Variants in TENM3 observed in about 807,000 individuals in gnomAD.
TENM3 encodes teneurin-3.
TENM3 carries 63 observed loss-of-function variants against 255.1 expected under a neutral mutation model. The observed-to-expected ratio is 0.25, with a 90% CI of 0.20 to 0.30. The LOEUF (loss-of-function observed/expected upper bound fraction) is 0.30. Among genes scored for constraint, TENM3 ranks in the 10% least tolerant of loss-of-function variants. The probability of loss-of-function intolerance (pLI) is 1.00; values close to 1 mark genes in which losing one functional copy is unlikely to be tolerated. For missense variants in TENM3, 2,929 were observed against 3,461.1 expected (o/e 0.85, Z 3.86); for synonymous variants, 1,306 against 1,322.3 (o/e 0.99, Z 0.27).
chr4:181,674,495 A>G, the TENM3 span, among the ~76,000 whole-genome samples: 19,524 of 151,980 alleles, frequency 0.13, 1,792 homozygotes, highest in African/African-American at 0.26. Context: ...TTTGTGCAAG[A>G]CTTCTCAGAA....
chr4:182,242,927 G>A (rs1263486820), upstream of TENM3, among the ~76,000 whole-genome samples: 1 of 152,194 alleles, frequency 6.6e-6, no homozygotes, highest in Non-Finnish European at 1.5e-5. Context: ...ATTAGAAGCG[G>A]AGGCTAAGAG....
intron 5 of TENM3, among the ~76,000 whole-genome samples, chr4:182,633,234 C>T (rs191789046): frequency 6.6e-6 from 1 of 152,220 alleles, no homozygotes; most frequent in East Asian, 1.9e-4. Context: ...TGTGCCCAGC[C>T]GAGGATTTTT....
chr4:182,657,952 G>A (rs1056710280), intron 6 of TENM3, among the ~76,000 whole-genome samples: 7 of 152,142 alleles, frequency 4.6e-5, no homozygotes, highest in Admixed American at 2.6e-4. Flanking sequence ...CACCTCGCCC[G>A]GTGCTTCCAG....
intron 1 of TENM3, among the ~76,000 whole-genome samples, chr4:182,175,960 A>G (rs1267141829): frequency 4.7e-5 from 7 of 149,596 alleles, no homozygotes; most frequent in African/African-American, 1.7e-4. Context: ...AGCTCCGGCC[A>G]TTTAGTGTTG....
intron 2 of TENM3, among the ~76,000 whole-genome samples, chr4:182,328,693 C>T (rs1763570968): frequency 6.6e-6 from 1 of 152,126 alleles, no homozygotes; most frequent in South Asian, 2.1e-4. Flanking sequence ...CAGCGTGGCT[C>T]CACTCCCAGA....
At chr4:182,481,624 G>A (rs1423849807) in intron 3 of TENM3, among the ~76,000 whole-genome samples, 2 of 151,552 alleles carry the variant, frequency 1.3e-5, no homozygotes, top group Admixed American at 6.6e-5. Context: ...GTGAAACCCC[G>A]TCTCTACTAA....
At chr4:181,747,221 G>A in the TENM3 span, among the ~76,000 whole-genome samples, 31 of 152,050 alleles carry the variant, frequency 2.0e-4, no homozygotes, top group African/African-American at 4.8e-5. Flanking sequence ...AATAGAAGGA[G>A]AAATTTCATC....
intron 6 of TENM3, among the ~76,000 whole-genome samples, chr4:182,670,232 A>G (rs767588746): frequency 1.3e-5 from 2 of 152,218 alleles, no homozygotes; most frequent in African/African-American, 2.4e-5. Context: ...TCTACAGTTT[A>G]TAATCTAAGA....
At chr4:181,481,499 C>G in the TENM3 span, among the ~76,000 whole-genome samples, 1 of 152,142 alleles carries the variant, frequency 6.6e-6, no homozygotes, top group African/African-American at 2.4e-5. Flanking sequence ...GGAAGAGGCA[C>G]GGCCATTTGC....
At chr4:182,602,662 C>G (rs1486818232) in intron 4 of TENM3, among the ~76,000 whole-genome samples, 1 of 152,082 alleles carries the variant, frequency 6.6e-6, no homozygotes, top group African/African-American at 2.4e-5. Flanking sequence ...AGAGAAAGAA[C>G]AGGAAAAATA....
chr4:182,361,406 G>A (rs1765968711), intron 3 of TENM3, among the ~76,000 whole-genome samples: 1 of 152,140 alleles, frequency 6.6e-6, no homozygotes, highest in Non-Finnish European at 1.5e-5. Context: ...TTTCTTGGAG[G>A]CTTTGTTCGT....
chr4:181,664,448 C>T, the TENM3 span, among the ~76,000 whole-genome samples: 7 of 147,760 alleles, frequency 4.7e-5, no homozygotes, highest in Middle Eastern at 3.5e-3. Flanking sequence ...CCAGCCTGGG[C>T]GACAAGAGCG....
At chr4:181,917,217 A>G in the TENM3 span, among the ~76,000 whole-genome samples, 2 of 152,226 alleles carry the variant, frequency 1.3e-5, no homozygotes, top group African/African-American at 2.4e-5. Flanking sequence ...TACAGAACCT[A>G]AAGGGTAAAC....
intron 1 of TENM3, among the ~76,000 whole-genome samples, chr4:182,201,665 G>T (rs563724158): frequency 1.3e-5 from 2 of 152,132 alleles, no homozygotes; most frequent in South Asian, 2.1e-4. Context: ...TATTCCCATG[G>T]CAGGGTGGGG....
At chr4:181,482,013 A>G in the TENM3 span, among the ~76,000 whole-genome samples, 2 of 152,174 alleles carry the variant, frequency 1.3e-5, no homozygotes, top group Non-Finnish European at 2.9e-5. Context: ...GAACATCAGA[A>G]CAATTAGGAA....
At position 182,494,118 on chromosome 4, in the gene TENM3, A is replaced by G. The variant is rs1735542691; in HGVS notation, c.512-106806A>G. On this transcript the variant is annotated intron_variant, in intron 3 of 27. Transcript: ENST00000511685. ...TCCTATTTTTTGCCAAGTAAATGAA[A>G]AAAGAGTAAATACCTAACCAAAATC... Among the ~76,000 whole-genome samples the G allele has an allele frequency of 2.0e-5, 3 of 152,292 alleles. No homozygotes were observed. The South Asian group carries it at 6.2e-4, about 32-fold the overall frequency.
At chr4:181,698,172 C>T in the TENM3 span, among the ~76,000 whole-genome samples, 1 of 150,554 alleles carries the variant, frequency 6.6e-6, no homozygotes, top group Admixed American at 6.6e-5. Flanking sequence ...CGAGATCACG[C>T]CACTGCACTC....
rs775374681 is a variant in TENM3, at chr4:182,714,081, C to T, written c.2222-6C>T. On this transcript the variant is annotated splice_polypyrimidine_tract_variant and splice_region_variant and intron_variant, in intron 12 of 27. Transcript: ENST00000511685. ...TCACTGGTGTTTTCCTTCTTTGTCT[C>T]GACAGAGGGTTGTCCTGGTCTGTGC... 15 of 1,610,918 alleles carry T rather than the reference C, an allele frequency of 9.3e-6. No individual in the cohort carries two copies. Among genetic ancestry groups the T allele is most frequent in the East Asian group, 4.5e-5 (2 of 44,862 alleles).
chr4:182,597,237 G>T (rs538709244), intron 3 of TENM3, among the ~76,000 whole-genome samples: 50 of 151,918 alleles, frequency 3.3e-4, no homozygotes, highest in Non-Finnish European at 1.3e-4. Flanking sequence ...ACCCCATCTC[G>T]ACAAAATTAT....
Sources: gnomAD v4.1 joint callset for allele counts (sites outside exome capture counted in the v4.1 genomes callset) on GRCh38, gnomAD v4.1.1 for gene constraint, MANE v1.5 for transcripts, NCBI Gene and HGNC (gene_info 2026-07-23, HGNC 2026-07-21) for gene names.